The following RP1L1 variants were observed in gnomAD, a reference collection of about 807,000 sequenced individuals.
RP1L1 encodes the protein retinitis pigmentosa 1-like 1 protein.
In RP1L1, 27 loss-of-function variants were observed where a neutral mutation model predicts 15.7. The observed-to-expected ratio is 1.72, with a 90% CI of 1.27 to 2.38. The LOEUF (loss-of-function observed/expected upper bound fraction) is 2.38. RP1L1 is among the 30% of genes most tolerant of loss of function. RP1L1 has a pLI of 0.00. For synonymous variants in RP1L1, 1,813 were observed against 1,276.7 expected, an observed-to-expected ratio of 1.42 and a Z score of -8.96; for missense variants, 4,798 against 3,075.9, an observed-to-expected ratio of 1.56 and a Z score of -13.24.
At chr8:10,636,604 G>A (rs1234378171) in intron 1 of RP1L1, among the ~76,000 whole-genome samples, 12 of 152,078 alleles carry the variant, frequency 7.9e-5, no homozygotes, top group Non-Finnish European at 1.8e-4. Context: ...AAAGGCGTGG[G>A]GGCAACAGGA....
chr8:10,629,387 T>C (rs1798207084), intron 1 of RP1L1, among the ~76,000 whole-genome samples: 1 of 151,818 alleles, frequency 6.6e-6, no homozygotes, highest in African/African-American at 2.4e-5. Flanking sequence ...GCAAAGAACA[T>C]CAAGACGAAA....
At chr8:10,638,168 A>G (rs924158847) in intron 1 of RP1L1, among the ~76,000 whole-genome samples, 4 of 152,262 alleles carry the variant, frequency 2.6e-5, no homozygotes, top group Admixed American at 6.5e-5. Flanking sequence ...AGGGCTTAAC[A>G]TCGATTACAC....
intron 1 of RP1L1, among the ~76,000 whole-genome samples, chr8:10,643,267 G>A (rs917986512): frequency 2.6e-5 from 4 of 152,202 alleles, no homozygotes; most frequent in Admixed American, 1.3e-4. Context: ...TTGAGCCTGG[G>A]AGGTGGAGGC....
chr8:10,621,645 T>C lies in RP1L1; in HGVS notation c.609+948A>G, dbSNP rs1798060645. The C allele has an allele frequency of 6.6e-6, 3 of 457,278 alleles. No homozygotes were observed. The Middle Eastern group carries it at 9.8e-4, about 149-fold the overall frequency. 28.3% of individuals were successfully genotyped at this position (457,278 alleles called of 1,614,324 possible). A position where few individuals can be genotyped will look rare whatever the true frequency, so the allele number is the denominator to read the frequency against. ...CCAGTGATATGATATTTATGAAGTA[T>C]TGGTGGAATGGTGCATACAGATGTT... is the stretch of plus-strand genomic sequence containing the variant. On this transcript the variant is annotated intron_variant, in intron 2 of 3. Coordinates refer to ENST00000382483, the MANE Select transcript of RP1L1 (RefSeq NM_178857.6).
chr8:10,650,460 C>T (rs1362875239), intron 1 of RP1L1, among the ~76,000 whole-genome samples: 1 of 152,112 alleles, frequency 6.6e-6, no homozygotes, highest in Admixed American at 6.5e-5. Flanking sequence ...AATGAGCTGT[C>T]ACGTGACCAA....
chr8:10,627,353 G>C (rs1798174987), intron 1 of RP1L1, among the ~76,000 whole-genome samples: 1 of 152,178 alleles, frequency 6.6e-6, no homozygotes, highest in Non-Finnish European at 1.5e-5. Flanking sequence ...GAACCTTGAA[G>C]ACATTAAGTG....
chr8:10,611,512 G>T lies in RP1L1; in HGVS notation c.2586C>A (p.Cys862Ter). The change falls in exon 4 of 4, where the codon TGC (cysteine) becomes TGA (stop). Residue 862 changes from cysteine to a stop codon, truncating the protein, a stop_gained. Transcript: ENST00000382483. LOFTEE classifies it low-confidence loss of function (END_TRUNC). ...YCPTPPRGRP[C>*]PQRRSSSCGS... ...CACAGCTGGAAGAGCGCCTCTGGGGGCAGGGCCGCCCCCTGGGCGGGGTGG... is the reference window on the plus strand; with the variant it reads ...CACAGCTGGAAGAGCGCCTCTGGGGTCAGGGCCGCCCCCTGGGCGGGGTGG... The T allele has an allele frequency of 1.3e-6, 2 of 1,578,616 alleles. No individual in the cohort carries two copies. Among genetic ancestry groups the T allele is most frequent in the Non-Finnish European group, 1.7e-6 (2 of 1,163,988 alleles).
Position 10,606,773 on chromosome 8 carries a change from C to T in RP1L1, c.*122G>A. 1 of 1,529,694 alleles carries T rather than the reference C, an allele frequency of 6.5e-7. No individual in the cohort carries two copies. The highest frequency in any genetic ancestry group is 8.8e-7 in the Non-Finnish European group (1 of 1,139,426). 94.8% of individuals were successfully genotyped at this position (1,529,694 alleles called of 1,614,324 possible). On this transcript the variant is annotated 3_prime_UTR_variant, in exon 4 of 4. Transcript: ENST00000382483. ...GCATGGGCTGTGTCCTTGGCAAGTC[C>T]TTGGTCTTTGTCCATGTACTATGGA...
At position 10,615,405 on chromosome 8, in the gene RP1L1, T is replaced by A. The variant is rs532847887; in HGVS notation, c.751+1041A>T. On this transcript the variant is annotated intron_variant, in intron 3 of 3. Transcript: ENST00000382483. ...TGGTTGTATGGATGGATGGATAATC[T>A]GTGGTCATGGTTAGTTTTAGTCCCT... Among the ~76,000 whole-genome samples the A allele has an allele frequency of 1.2e-4, 19 of 152,356 alleles. 2 individuals are homozygous for A. Among genetic ancestry groups the A allele is most frequent in the African/African-American group, 4.1e-4 (17 of 41,580 alleles).
At chr8:10,648,027 C>G (rs1798504604) in intron 1 of RP1L1, among the ~76,000 whole-genome samples, 1 of 151,958 alleles carries the variant, frequency 6.6e-6, no homozygotes, top group South Asian at 2.1e-4. Flanking sequence ...GTTTCTCTCT[C>G]TCTCTCTTTT....
rs552849663 is a variant in RP1L1 at position 10,606,632 on chromosome 8, G to T, written c.*263C>A. The T allele has an allele frequency of 1.1e-5, 6 of 530,296 alleles. No homozygotes were observed. The highest frequency in any genetic ancestry group is 3.5e-5 in the Admixed American group (1 of 28,530). The allele number at this position is 530,296 out of a possible 1,614,324, so 32.8% of individuals were successfully genotyped here. On this transcript the variant is annotated 3_prime_UTR_variant, in exon 4 of 4. Transcript: ENST00000382483. Reference sequence around the variant, plus strand: ...CTCTGCAGACAAATAAATAGGAGCCGGGCTGACCTCCGATAACCGGGCAGA... The same window carrying T: ...CTCTGCAGACAAATAAATAGGAGCCTGGCTGACCTCCGATAACCGGGCAGA...
At chr8:10,628,054 C>G (rs1257909876) in intron 1 of RP1L1, among the ~76,000 whole-genome samples, 1 of 152,214 alleles carries the variant, frequency 6.6e-6, no homozygotes, top group Non-Finnish European at 1.5e-5. Context: ...AAGGTCCTCA[C>G]TCTTTAATGG....
rs1041956559 is a variant in RP1L1 at position 10,640,605 on chromosome 8, A to G, written c.-20+14293T>C. Among the ~76,000 whole-genome samples, 6 of 151,944 alleles carry G rather than the reference A, an allele frequency of 3.9e-5. No individual in the cohort carries two copies. In the South Asian group the frequency reaches 1.2e-3, roughly 32 times the overall value. ...CAGGTGGAGATTGCTGTGAGCCAAG[A>G]TCACGCCACTGCACTCCAGCCTAGG... On this transcript the variant is annotated intron_variant, in intron 1 of 3. Transcript: ENST00000382483.
rs1797845855 is a variant in RP1L1, at chr8:10,611,227, G to A, written c.2871C>T (p.Val957=). Residue 957 remains valine (V), a synonymous_variant, in exon 4 of 4, where the codon GTC becomes GTT. Coordinates refer to ENST00000382483, the MANE Select transcript of RP1L1 (RefSeq NM_178857.6). Reference sequence around the variant, plus strand: ...CTGGAATGTTGTCCAGCCATTCGCGGACCACAGCCTCTGGAGACGAGCGGG... The same window carrying A: ...CTGGAATGTTGTCCAGCCATTCGCGAACCACAGCCTCTGGAGACGAGCGGG... The part of the protein sequence containing the change: ...SLPRSSPEAV[V]REWLDNIPEE... 7 of 1,612,994 alleles carry A rather than the reference G, an allele frequency of 4.3e-6. No homozygotes were observed. Among genetic ancestry groups the A allele is most frequent in the Non-Finnish European group, 5.9e-6 (7 of 1,180,026 alleles).
Position 10,606,907 on chromosome 8 carries a change from G to T in RP1L1, c.7191C>A (p.Asp2397Glu). The T allele has an allele frequency of 1.9e-6, 3 of 1,614,214 alleles. No individual in the cohort carries two copies. The highest frequency in any genetic ancestry group is 2.5e-6 in the Non-Finnish European group (3 of 1,180,042). Residue 2397 changes from aspartate (D) to glutamate (E), a missense_variant, in exon 4 of 4, where the codon GAC becomes GAA. Transcript: ENST00000382483. ...AGCTTGATCTTGTCTAGAAATCTAA[G>T]TCATCTTGGCCAAAGCCGTCTGCCC... ...VGRADGFGQD[D>E]LDF is the part of the protein sequence containing the mutation.
chr8:10,610,367 T>C lies in RP1L1; in HGVS notation c.3731A>G (p.Tyr1244Cys), dbSNP rs1425379833. The C allele has an allele frequency of 1.9e-6, 3 of 1,614,112 alleles. No individual in the cohort carries two copies. Among genetic ancestry groups the C allele is most frequent in the Admixed American group, 1.7e-5 (1 of 60,022 alleles). The change falls in exon 4 of 4, where the codon TAT becomes TGT. Residue 1244 changes from tyrosine (Y) to cysteine (C), a missense_variant. Physicochemically the swap from Tyr to Cys is radical, Grantham distance 194 (BLOSUM62 -2). Coordinates refer to ENST00000382483, the MANE Select transcript of RP1L1 (RefSeq NM_178857.6). ...GTTTTCCAGATCCCCTGGGCTCTCA[T>C]AAGTTCTTGAATCAGGCCTCTGGTT... ...TSNQRPDSRT[Y>C]ESPGDLENQQ... is the part of the protein sequence containing the mutation.
chr8:10,628,288 T>C (rs1012535428), intron 1 of RP1L1, among the ~76,000 whole-genome samples: 1 of 152,210 alleles, frequency 6.6e-6, no homozygotes, highest in African/African-American at 2.4e-5. Context: ...GAGAGACCTC[T>C]TGAGAAATTA....
At chr8:10,640,548 G>T (rs1421009002) in intron 1 of RP1L1, among the ~76,000 whole-genome samples, 1 of 151,910 alleles carries the variant, frequency 6.6e-6, no homozygotes, top group African/African-American at 2.4e-5. Flanking sequence ...AGTTGCTCAG[G>T]AGGCTGAAGC....
chr8:10,623,053 C>T lies in RP1L1; in HGVS notation c.149G>A (p.Arg50His), dbSNP rs756576372. The T allele has an allele frequency of 4.3e-5, 70 of 1,613,980 alleles. 4 individuals carry two copies. The South Asian group carries it at 5.3e-4, about 12-fold the overall frequency. ...AAAGGCGCGCTGGTGAACGGCCAGG[C>T]GGACCCCAGCAAACCGTGGATCCCC... ...KRGDPRFAGV[R>H]LAVHQRAFKT... The change falls in exon 2 of 4, where the codon CGC becomes CAC. Residue 50 changes from arginine (R) to histidine (H), a missense_variant. Transcript: ENST00000382483.
Sources: gnomAD v4.1 joint callset for allele counts (sites outside exome capture counted in the v4.1 genomes callset) on GRCh38, gnomAD v4.1.1 for gene constraint, MANE v1.5 for transcripts, NCBI Gene and HGNC (gene_info 2026-07-23, HGNC 2026-07-21) for gene names.